The following SYNPR variants were observed in gnomAD, a reference collection of about 807,000 sequenced individuals.
SYNPR encodes synaptoporin.
In SYNPR, 23 loss-of-function variants were observed where a neutral mutation model predicts 32.9. The ratio of observed to expected loss-of-function variants is 0.70; its 90% CI spans 0.50 to 0.99. The LOEUF is 0.99. Ranked by LOEUF, SYNPR falls within the 50% of genes least tolerant of loss-of-function variation. The pLI is 0.00. For missense variants in SYNPR, 318 were observed against 349.3 expected (o/e 0.91, Z 0.71); for synonymous variants, 146 against 135.9 (o/e 1.07, Z -0.52).
At chr3:63,228,886 A>G (rs931278255) in intron 1 of SYNPR, among the ~76,000 whole-genome samples, 1 of 152,048 alleles carries the variant, frequency 6.6e-6, no homozygotes, top group African/African-American at 2.4e-5. Flanking sequence ...ACCGGAAACT[A>G]TTGATGGCCG....
chr3:63,343,809 T>C (rs948045615), intron 2 of SYNPR, among the ~76,000 whole-genome samples: 2 of 152,240 alleles, frequency 1.3e-5, no homozygotes, highest in African/African-American at 4.8e-5. Flanking sequence ...TGCTGAGAGA[T>C]AACAAGGGTA....
chr3:63,302,143 T>G (rs532661577), intron 2 of SYNPR, among the ~76,000 whole-genome samples: 1 of 152,240 alleles, frequency 6.6e-6, no homozygotes, highest in African/African-American at 2.4e-5. Context: ...TTCAGGATTA[T>G]TTCAAATTCT....
chr3:63,594,600 A>G (rs1449945269), intron 4 of SYNPR, among the ~76,000 whole-genome samples: 1 of 152,162 alleles, frequency 6.6e-6, no homozygotes, highest in Non-Finnish European at 1.5e-5. Context: ...TAAGTAATTT[A>G]TCCCAACTAT....
chr3:63,217,695 G>T, the SYNPR span, among the ~76,000 whole-genome samples: 3 of 152,060 alleles, frequency 2.0e-5, no homozygotes, highest in Admixed American at 6.5e-5. Context: ...GGGAGCTGTA[G>T]ACCGGAGCTG....
chr3:63,351,976 G>A (rs534663245), intron 2 of SYNPR, among the ~76,000 whole-genome samples: 6 of 152,140 alleles, frequency 3.9e-5, no homozygotes, highest in Non-Finnish European at 8.8e-5. Context: ...GGTGCTGTGG[G>A]GCAATGTGGG....
chr3:63,205,009 ACT>A, the SYNPR span, among the ~76,000 whole-genome samples: 2 of 152,066 alleles, frequency 1.3e-5, no homozygotes, highest in South Asian at 2.1e-4. Context: ...TTATCTGTTG[ACT>A]CTGACTGTTC....
At chr3:63,490,708 T>C (rs1559515071) in intron 3 of SYNPR, among the ~76,000 whole-genome samples, 2 of 152,128 alleles carry the variant, frequency 1.3e-5, no homozygotes, top group African/African-American at 2.4e-5. Flanking sequence ...AAGTTTCTTG[T>C]TCCTGATTTT....
At chr3:63,276,337 A>G (rs1305392896), upstream of SYNPR, among the ~76,000 whole-genome samples, 1 of 152,014 alleles carries the variant, frequency 6.6e-6, no homozygotes, top group East Asian at 1.9e-4. Flanking sequence ...GCTACAATCT[A>G]CCCTGCCTCT....
chr3:63,461,355 C>T (rs192568801), intron 2 of SYNPR, among the ~76,000 whole-genome samples: 1 of 152,238 alleles, frequency 6.6e-6, no homozygotes, highest in Admixed American at 6.5e-5. Context: ...CTCCCTCTGG[C>T]ATTTGTCTAC....
chr3:63,457,963 A>G (rs945151727), intron 2 of SYNPR, among the ~76,000 whole-genome samples: 1 of 152,100 alleles, frequency 6.6e-6, no homozygotes, highest in African/African-American at 2.4e-5. Context: ...GAATTTTCTA[A>G]CCCTCTTCTT....
At chr3:63,245,282 C>G (rs963858320) in intron 1 of SYNPR, among the ~76,000 whole-genome samples, 1 of 151,880 alleles carries the variant, frequency 6.6e-6, no homozygotes, top group African/African-American at 2.4e-5. Context: ...AAAAGAAACA[C>G]CTTTGAATAA....
At chr3:63,478,237 G>T (rs759168014) in intron 2 of SYNPR, among the ~76,000 whole-genome samples, 1 of 152,070 alleles carries the variant, frequency 6.6e-6, no homozygotes, top group Non-Finnish European at 1.5e-5. Context: ...TTATATGATG[G>T]TATTAATAAT....
intron 2 of SYNPR, among the ~76,000 whole-genome samples, chr3:63,411,540 G>A (rs895363242): frequency 4.6e-5 from 7 of 152,078 alleles, no homozygotes; most frequent in South Asian, 2.1e-4. Flanking sequence ...TACACATAAC[G>A]ACCAAGTGTG....
Position 63,578,213 on chromosome 3 carries a change from C to A in SYNPR, c.408+21472C>A, listed in dbSNP as rs369219909. ...GGTGATTACCAGCGTAGGTCCTGGA[C>A]CTCACAGTTCTCACTTCACTTCTGG... On this transcript the variant is annotated intron_variant, in intron 4 of 5. Transcript: ENST00000478300. 4.7e-4 allele frequency among the ~76,000 whole-genome samples: 72 copies of A among 152,244 alleles called. 1 individual carries two copies. In the Middle Eastern group the frequency reaches 0.017, roughly 36 times the overall value.
intron 2 of SYNPR, among the ~76,000 whole-genome samples, chr3:63,256,954 GAAGA>G (rs1304567860): frequency 3.1e-4 from 47 of 152,286 alleles, no homozygotes; most frequent in African/African-American, 1.1e-3. Flanking sequence ...CGATCAACTG[GAAGA>G]AAGGGTATCA....
At chr3:63,278,607 G>T in intron 1 of SYNPR, 56 bp downstream of exon 1, 1 of 1,550,536 alleles carries the variant, frequency 6.4e-7, no homozygotes, top group East Asian at 2.4e-5. Context: ...GGGATGCCGC[G>T]GCTTGGGAGA....
At chr3:63,380,670 C>T (rs7620102) in intron 2 of SYNPR, among the ~76,000 whole-genome samples, 5,178 of 152,078 alleles carry the variant, frequency 0.034, 252 homozygotes, top group African/African-American at 0.11. Context: ...ACTGGCAAAC[C>T]GAATCCAGCA....
intron 3 of SYNPR, among the ~76,000 whole-genome samples, chr3:63,486,347 G>T (rs9838946): frequency 2.0e-5 from 3 of 151,990 alleles, no homozygotes; most frequent in African/African-American, 7.3e-5. Context: ...GTTGGAGGAT[G>T]ACAATCCCAA....
chr3:63,362,347 C>G (rs972385257), intron 2 of SYNPR, among the ~76,000 whole-genome samples: 1 of 152,148 alleles, frequency 6.6e-6, no homozygotes, highest in African/African-American at 2.4e-5. Context: ...ATATTCAAGC[C>G]TATCCTGACC....
Sources: allele counts gnomAD v4.1 joint callset (sites outside exome capture counted in the v4.1 genomes callset), GRCh38; gene constraint gnomAD v4.1.1; transcripts MANE v1.5; gene names NCBI Gene and HGNC (gene_info 2026-07-23, HGNC 2026-07-21).